The following TRIP13 variants were observed in gnomAD, a reference collection of about 807,000 sequenced individuals.
TRIP13 encodes pachytene checkpoint protein 2 homolog.
A neutral mutation model predicts 54.4 loss-of-function variants in TRIP13; 25 were observed. The ratio of observed to expected loss-of-function variants is 0.46; its 90% CI spans 0.33 to 0.64. The LOEUF is 0.64. Ranked by LOEUF, TRIP13 falls within the 30% of genes least tolerant of loss-of-function variation. The pLI is 0.02. For synonymous variants in TRIP13, 207 were observed against 207.8 expected, an observed-to-expected ratio of 1.00 and a Z score of 0.03; for missense variants, 373 against 534.2, an observed-to-expected ratio of 0.70 and a Z score of 2.97.
chr5:908,299 C>T lies in TRIP13; in HGVS notation c.760-56C>T. On this transcript the variant is annotated intron_variant, in intron 8 of 12. Coordinates refer to ENST00000166345, the MANE Select transcript of TRIP13 (RefSeq NM_004237.4). This position sits in a 1 kb window ranked among gnomAD's most constrained non-coding sequence, Gnocchi z 5.2. ...TGCTCAGCGGGACGTATCCCCATAGCTGCCTGTGAAGTGCCAGGCCCTGTC... is the reference window on the plus strand; with the variant it reads ...TGCTCAGCGGGACGTATCCCCATAGTTGCCTGTGAAGTGCCAGGCCCTGTC... The T allele has an allele frequency of 1.9e-6, 3 of 1,572,274 alleles. No homozygotes were observed. The highest frequency in any genetic ancestry group is 2.6e-6 in the Non-Finnish European group (3 of 1,150,142).
In TRIP13 at chr5:913,921, T is replaced by A. The variant is rs1262567593; in HGVS notation, c.1021-544T>A. Among the ~76,000 whole-genome samples the A allele has an allele frequency of 1.3e-5, 2 of 152,192 alleles. No individual in the cohort carries two copies. Among genetic ancestry groups the A allele is most frequent in the African/African-American group, 4.8e-5 (2 of 41,444 alleles). ...CGCACCTGACTGTTGGCAAGGCTGCTTGGAAAAGCATGACTTCCAGACAAA... is the reference window on the plus strand; with the variant it reads ...CGCACCTGACTGTTGGCAAGGCTGCATGGAAAAGCATGACTTCCAGACAAA... On this transcript the variant is annotated intron_variant, in intron 10 of 12. Transcript: ENST00000166345. The surrounding 1 kb of genome is among the most constrained non-coding windows in gnomAD (Gnocchi z 4.5).
chr5:912,083 C>T lies in TRIP13; in HGVS notation c.1020+87C>T. On this transcript the variant is annotated intron_variant, in intron 10 of 12. Coordinates refer to ENST00000166345, the MANE Select transcript of TRIP13 (RefSeq NM_004237.4). This position sits in a 1 kb window ranked among gnomAD's most constrained non-coding sequence, Gnocchi z 7.2. ...AAGATAGCTTAAAATAAGCTCGTTC[C>T]AGTACGGAGGATTTCAACATATGCA... The T allele has an allele frequency of 6.7e-7, 1 of 1,487,534 alleles. No individual in the cohort carries two copies. The highest frequency in any genetic ancestry group is 9.0e-7 in the Non-Finnish European group (1 of 1,108,592). 92.1% of individuals were successfully genotyped at this position (1,487,534 alleles called of 1,614,324 possible).
In TRIP13 at chr5:917,686, A is replaced by G. The variant is rs1026409227; in HGVS notation, c.*583A>G. ...AAAATGGTCGGTAAAGTGTTCTTTC[A>G]TAATAAATAATCAGACATGGTCCCA... On this transcript the variant is annotated 3_prime_UTR_variant, in exon 13 of 13. Transcript: ENST00000166345. 6.6e-6 allele frequency: 1 copy of G among 152,296 alleles called. No homozygotes were observed. The highest frequency in any genetic ancestry group is 2.4e-5 in the African/African-American group (1 of 41,462). 9.4% of individuals were successfully genotyped at this position (152,296 alleles called of 1,614,324 possible).
intron 1 of TRIP13, among the ~76,000 whole-genome samples, chr5:894,364 C>G (rs990755352): frequency 6.6e-6 from 1 of 152,180 alleles, no homozygotes; most frequent in African/African-American, 2.4e-5. Context: ...ATTAGATTTT[C>G]TCAGCACGAA....
chr5:904,080 T>C (rs2150685607), intron 5 of TRIP13, 68 bp from the exon 6 acceptor site: 1 of 1,388,278 alleles, frequency 7.2e-7, no homozygotes, highest in South Asian at 1.3e-5. Flanking sequence ...TAATGGAAGT[T>C]ACTGTTGTTT....
chr5:896,030 C>A (rs1187305407), intron 2 of TRIP13, among the ~76,000 whole-genome samples: 1 of 152,168 alleles, frequency 6.6e-6, no homozygotes, highest in East Asian at 1.9e-4. Context: ...AGTTAGGAAA[C>A]CGACTGGGCA....
Position 915,369 on chromosome 5 carries a change from G to A in TRIP13, c.1134-535G>A, listed in dbSNP as rs1270810235. ...CAGGTGATGCCTTCCCTGAGCGCAA[G>A]GATGCTGGCCCTGGGGCAGAGGCTC... On this transcript the variant is annotated intron_variant, in intron 11 of 12. Transcript: ENST00000166345. The surrounding 1 kb of genome is among the most constrained non-coding windows in gnomAD (Gnocchi z 4.2). 6.6e-6 allele frequency among the ~76,000 whole-genome samples: 1 copy of A among 151,998 alleles called. No individual in the cohort carries two copies. Among genetic ancestry groups the A allele is most frequent in the Non-Finnish European group, 1.5e-5 (1 of 67,996 alleles).
chr5:914,599 G>A, intron 11 of TRIP13, 22 bp downstream of exon 11: 1 of 1,579,238 alleles, frequency 6.3e-7, no homozygotes, highest in East Asian at 2.2e-5. Flanking sequence ...CCTCATTTTT[G>A]TAATCAAGAA....
At chr5:894,142 T>C (rs1313978289) in intron 1 of TRIP13, among the ~76,000 whole-genome samples, 3 of 152,120 alleles carry the variant, frequency 2.0e-5, no homozygotes, top group Non-Finnish European at 2.9e-5. Flanking sequence ...CCTGCCTGGC[T>C]CTGAGGAGCC....
At chr5:905,393 C>T (rs554715044) in intron 6 of TRIP13, among the ~76,000 whole-genome samples, 2 of 152,246 alleles carry the variant, frequency 1.3e-5, no homozygotes, top group East Asian at 1.9e-4. Context: ...ACATCGGGGG[C>T]GCCATGAGGA....
At chr5:895,736 C>T (rs961965061) in intron 2 of TRIP13, among the ~76,000 whole-genome samples, 2 of 152,198 alleles carry the variant, frequency 1.3e-5, no homozygotes, top group Non-Finnish European at 2.9e-5. Context: ...ACGGGCTGCC[C>T]AGGGAAAGTT....
At chr5:906,043 C>G (rs979078991) in intron 6 of TRIP13, among the ~76,000 whole-genome samples, 4 of 151,484 alleles carry the variant, frequency 2.6e-5, no homozygotes, top group African/African-American at 4.9e-5. Flanking sequence ...TGGAGAAACC[C>G]TGTCTCTACA....
At chr5:896,820 G>A (rs1753926240) in intron 3 of TRIP13, 26 bp downstream of exon 3, 3 of 1,608,682 alleles carry the variant, frequency 1.9e-6, no homozygotes, top group Admixed American at 1.7e-5. Context: ...GGAGTTGAAG[G>A]GGAGGCTGAG....
intron 2 of TRIP13, 87 bp from the exon 3 acceptor site, chr5:896,578 T>C: frequency 7.1e-7 from 1 of 1,417,424 alleles, no homozygotes; most frequent in Non-Finnish European, 9.6e-7. Context: ...TCAGTTTTTA[T>C]TTGTAGACCT....
chr5:894,884 C>T lies in TRIP13; in HGVS notation c.190C>T (p.Pro64Ser). Reference sequence around the variant, plus strand: ...TTACACATGGACTGAGTTTGATGAACCTTTTTTGACCAGAAATGTGCAGTC... The same window carrying T: ...TTACACATGGACTGAGTTTGATGAATCTTTTTTGACCAGAAATGTGCAGTC... ...GDYTWTEFDE[P>S]FLTRNVQSVS... Residue 64 changes from proline (P) to serine (S), a missense_variant, in exon 2 of 13, where the codon CCT (proline) becomes TCT (serine). By Grantham distance (74) the Pro-to-Ser change is moderately conservative (BLOSUM62 -1). This residue lies in a region of TRIP13 where 151 missense variants were observed against 151.9 expected (regional missense o/e 0.99). Transcript: ENST00000166345. 2 of 1,613,942 alleles carry T rather than the reference C, an allele frequency of 1.2e-6. No homozygotes were observed. The highest frequency in any genetic ancestry group is 1.7e-6 in the Non-Finnish European group (2 of 1,179,974).
chr5:901,224 C>A, intron 4 of TRIP13, 117 bp from the exon 5 acceptor site: 1 of 808,140 alleles, frequency 1.2e-6, no homozygotes, highest in Non-Finnish European at 2.0e-6. Flanking sequence ...TAGGAGGCGG[C>A]CTCGCTCCCT....
chr5:911,789 A>G lies in TRIP13; in HGVS notation c.867-54A>G. The G allele has an allele frequency of 6.4e-7, 1 of 1,569,976 alleles. No homozygotes were observed. The highest frequency in any genetic ancestry group is 8.6e-7 in the Non-Finnish European group (1 of 1,157,628). Reference sequence around the variant, plus strand: ...TCCTTGCCAGATAGGGCAGGATAGAATTGGGTCACCGACAGCCGTGATGAC... The same window carrying G: ...TCCTTGCCAGATAGGGCAGGATAGAGTTGGGTCACCGACAGCCGTGATGAC... On this transcript the variant is annotated intron_variant, in intron 9 of 12. Transcript: ENST00000166345. This position sits in a 1 kb window ranked among gnomAD's most constrained non-coding sequence, Gnocchi z 4.7.
chr5:904,732 G>A (rs549807464), intron 6 of TRIP13, among the ~76,000 whole-genome samples: 3 of 151,662 alleles, frequency 2.0e-5, no homozygotes, highest in South Asian at 2.1e-4. Context: ...TTCTATTGCC[G>A]TATTTTAAGT....
Position 912,062 on chromosome 5 carries a change from T to C in TRIP13, c.1020+66T>C. The C allele has an allele frequency of 2.0e-6, 3 of 1,536,108 alleles. No individual in the cohort carries two copies. The South Asian group carries it at 3.7e-5, about 19-fold the overall frequency. Reference sequence around the variant, plus strand: ...CTTATATGTTCTTAATTAATTAAGATAGCTTAAAATAAGCTCGTTCCAGTA... The same window carrying C: ...CTTATATGTTCTTAATTAATTAAGACAGCTTAAAATAAGCTCGTTCCAGTA... On this transcript the variant is annotated intron_variant, in intron 10 of 12. Coordinates refer to ENST00000166345, the MANE Select transcript of TRIP13 (RefSeq NM_004237.4). The surrounding 1 kb of genome is among the most constrained non-coding windows in gnomAD (Gnocchi z 7.2).
Sources: gnomAD v4.1 joint callset for allele counts (sites outside exome capture counted in the v4.1 genomes callset) on GRCh38, gnomAD v4.1.1 for gene constraint, gnomAD v4.1.1 regional missense constraint, Gnocchi (gnomAD v3.1) non-coding constraint, MANE v1.5 for transcripts, NCBI Gene and HGNC (gene_info 2026-07-23, HGNC 2026-07-21) for gene names.